COL13A1: variants seen among roughly 807,000 people sequenced by gnomAD.
COL13A1 encodes collagen type XIII alpha 1 chain, also known as collagen alpha-1(XIII) chain.
Under a neutral mutation model 130.9 loss-of-function variants are expected in COL13A1, and 89 were observed. That is an observed-to-expected ratio of 0.68 (90% confidence interval 0.57 to 0.81). The LOEUF is 0.81. Among genes scored for constraint, COL13A1 ranks in the 30% least tolerant of loss-of-function variants. The pLI is 0.00. For missense variants in COL13A1, 879 were observed against 934.6 expected (o/e 0.94, Z 0.78); for synonymous variants, 402 against 341.6 (o/e 1.18, Z -1.95).
At chr10:69,931,105 A>T (rs2066057010) in intron 30 of COL13A1, 1 of 453,598 alleles carries the variant, frequency 2.2e-6, no homozygotes, top group Non-Finnish European at 4.4e-6. Context: ...ACAGTTGGTC[A>T]CACTCAGCAA....
At chr10:69,857,221 GA>G (rs1856688970) in intron 2 of COL13A1, among the ~76,000 whole-genome samples, 1 of 152,212 alleles carries the variant, frequency 6.6e-6, no homozygotes. Flanking sequence ...GGGGCCCACG[GA>G]AGTAAGAAAA....
chr10:69,883,807 C>T (rs1322596939), intron 7 of COL13A1, among the ~76,000 whole-genome samples: 1 of 152,164 alleles, frequency 6.6e-6, no homozygotes, highest in Non-Finnish European at 1.5e-5. Flanking sequence ...ACCAGATTTG[C>T]AGTTTACAAG....
Position 69,853,479 on chromosome 10 carries a change from G to A in COL13A1, c.365-14319G>A, listed in dbSNP as rs114383730. ...ATTGCCATAGGATCTAGGGAAGCAC[G>A]ATGCTCTCAAAACTTTCAAGACTTT... is the stretch of plus-strand genomic sequence containing the variant. On this transcript the variant is annotated intron_variant, in intron 2 of 40. Coordinates refer to ENST00000645393, the MANE Select transcript of COL13A1 (RefSeq NM_001368882.1). Among the ~76,000 whole-genome samples the A allele has an allele frequency of 4.5e-3, 680 of 152,292 alleles. 5 individuals are homozygous for A. Among genetic ancestry groups the A allele is most frequent in the African/African-American group, 0.015 (643 of 41,546 alleles).
intron 39 of COL13A1, among the ~76,000 whole-genome samples, chr10:69,953,581 G>A (rs2070032629): frequency 6.6e-6 from 1 of 152,224 alleles, no homozygotes; most frequent in Non-Finnish European, 1.5e-5. Flanking sequence ...TCTCAAAAGA[G>A]CCAGCAATTA....
intron 20 of COL13A1, 83 bp from the exon 21 acceptor site, chr10:69,919,582 T>G: frequency 5.0e-6 from 2 of 398,930 alleles, no homozygotes; most frequent in Non-Finnish European, 8.8e-6. Context: ...ATTCTGGAAA[T>G]GCTGGTCAAT....
At position 69,808,922 on chromosome 10, in the gene COL13A1, CTG is replaced by C. The variant is rs1842280850; in HGVS notation, c.294+6211_294+6212del. Among the ~76,000 whole-genome samples, 3 of 152,334 alleles carry C rather than the reference CTG, an allele frequency of 2.0e-5. No individual in the cohort carries two copies. The South Asian group carries it at 6.2e-4, about 32-fold the overall frequency. ...CAGCAGAGGATGAGATGATTGACTT[CTG>C]TGTGTCCAGGCTGCATGCCTTGTCC... is the stretch of plus-strand genomic sequence containing the variant. On this transcript the variant is annotated intron_variant, in intron 1 of 40. Transcript: ENST00000645393.
At chr10:69,877,855 G>A (rs2059758141) in intron 5 of COL13A1, among the ~76,000 whole-genome samples, 184 bp from the exon 6 acceptor site, 1 of 152,116 alleles carries the variant, frequency 6.6e-6, no homozygotes, top group African/African-American at 2.4e-5. Context: ...TGTGCTTGTT[G>A]GACGTGGACC....
At chr10:69,918,627 C>G (rs2064229554) in intron 19 of COL13A1, among the ~76,000 whole-genome samples, 1 of 152,196 alleles carries the variant, frequency 6.6e-6, no homozygotes, top group African/African-American at 2.4e-5. Context: ...CTATATGCTT[C>G]CAAAGCTTCA....
chr10:69,894,472 C>A (rs2061456026), intron 10 of COL13A1, 80 bp from the exon 11 acceptor site: 4 of 1,564,094 alleles, frequency 2.6e-6, no homozygotes, highest in Non-Finnish European at 3.5e-6. Flanking sequence ...GGGATTCAGC[C>A]CCAATCCCCA....
chr10:69,812,690 T>G (rs1265818700), intron 1 of COL13A1, among the ~76,000 whole-genome samples: 1 of 152,218 alleles, frequency 6.6e-6, no homozygotes, highest in Admixed American at 6.5e-5. Context: ...GCTGGAGGAA[T>G]TAACATTAAG....
intron 39 of COL13A1, among the ~76,000 whole-genome samples, chr10:69,953,716 G>T (rs1377130886): frequency 6.6e-6 from 1 of 152,210 alleles, no homozygotes; most frequent in Non-Finnish European, 1.5e-5. Context: ...AGAGAGAGGA[G>T]GATCAACGGA....
At chr10:69,888,730 G>A (rs947577815) in intron 9 of COL13A1, among the ~76,000 whole-genome samples, 3 of 152,118 alleles carry the variant, frequency 2.0e-5, no homozygotes, top group Admixed American at 1.3e-4. Flanking sequence ...CCCTGTCCTC[G>A]AGGTCAGGGT....
intron 40 of COL13A1, 62 bp downstream of exon 40, chr10:69,957,104 A>G: frequency 7.1e-7 from 1 of 1,410,288 alleles, no homozygotes; most frequent in Non-Finnish European, 1.0e-6. Context: ...AAGCTTCCAC[A>G]ATTTCCATTC....
At chr10:69,903,204 G>A (rs1273927532) in intron 15 of COL13A1, among the ~76,000 whole-genome samples, 4 of 152,252 alleles carry the variant, frequency 2.6e-5, no homozygotes, top group African/African-American at 9.6e-5. Flanking sequence ...GAGTCAGGCA[G>A]TGGGTTCTGA....
chr10:69,839,060 T>G (rs965891858), intron 2 of COL13A1, among the ~76,000 whole-genome samples: 4 of 152,242 alleles, frequency 2.6e-5, no homozygotes, highest in Non-Finnish European at 5.9e-5. Flanking sequence ...CTCTGAACAG[T>G]GTCCACAGGA....
chr10:69,809,837 G>A (rs933330360), intron 1 of COL13A1, among the ~76,000 whole-genome samples: 1 of 152,216 alleles, frequency 6.6e-6, no homozygotes, highest in Non-Finnish European at 1.5e-5. Context: ...GGAAGCCCTT[G>A]TCCAGTCTTG....
At chr10:69,823,450 G>T (rs1265858675) in intron 2 of COL13A1, among the ~76,000 whole-genome samples, 1 of 152,150 alleles carries the variant, frequency 6.6e-6, no homozygotes, top group Non-Finnish European at 1.5e-5. Flanking sequence ...TCCGCTACTG[G>T]CCTCTGCCAG....
chr10:69,848,987 C>G (rs887185543), intron 2 of COL13A1, among the ~76,000 whole-genome samples: 1 of 152,224 alleles, frequency 6.6e-6, no homozygotes, highest in Non-Finnish European at 1.5e-5. Context: ...ACCCAGGGTG[C>G]CTTGACACCC....
At chr10:69,914,406 A>G (rs1183123413) in intron 17 of COL13A1, among the ~76,000 whole-genome samples, 2 of 152,110 alleles carry the variant, frequency 1.3e-5, no homozygotes, top group Non-Finnish European at 2.9e-5. Flanking sequence ...GTGGGAAGAG[A>G]CAGGAGCACC....
Sources: gnomAD v4.1 joint callset for allele counts (sites outside exome capture counted in the v4.1 genomes callset) on GRCh38, gnomAD v4.1.1 for gene constraint, MANE v1.5 for transcripts, NCBI Gene and HGNC (gene_info 2026-07-23, HGNC 2026-07-21) for gene names.